Variants in FHIP1A observed in about 807,000 individuals in gnomAD.
The protein encoded by FHIP1A is FHF complex subunit HOOK-interacting protein 1A.
A neutral mutation model predicts 88.6 loss-of-function variants in FHIP1A; 61 were observed. The observed-to-expected ratio is 0.69, with a 90% CI of 0.56 to 0.85. The LOEUF is 0.85. FHIP1A is among the 40% of genes least tolerant of loss of function. FHIP1A has a pLI of 0.00. For missense variants in FHIP1A, 1,154 were observed against 1,273.5 expected (o/e 0.91, Z 1.43); for synonymous variants, 478 against 496.0 (o/e 0.96, Z 0.48).
At chr4:151,483,119 T>C (rs1729958036) in intron 3 of FHIP1A, among the ~76,000 whole-genome samples, 1 of 152,182 alleles carries the variant, frequency 6.6e-6, no homozygotes. Context: ...GTTAAAATAA[T>C]TGTTCAGGCT....
intron 4 of FHIP1A, among the ~76,000 whole-genome samples, chr4:151,570,654 C>T (rs1049944690): frequency 1.5e-4 from 23 of 152,306 alleles, no homozygotes; most frequent in African/African-American, 5.3e-4. Flanking sequence ...ACAGTATCTT[C>T]TTCACACTCA....
At position 151,629,781 on chromosome 4, in the gene FHIP1A, A is replaced by G; in HGVS notation, c.1058A>G (p.Glu353Gly). 6.4e-7 allele frequency: 1 copy of G among 1,551,436 alleles called. No individual in the cohort carries two copies. The highest frequency in any genetic ancestry group is 2.4e-5 in the East Asian group (1 of 40,916). ...AGCATCTCCGAGCCAGCACTACTTG[A>G]GATCTTCCTCCGTTTTATCCTATTG... ...LRSISEPALL[E>G]IFLRFILLHQ... Residue 353 changes from glutamate to glycine, a missense_variant, in exon 8 of 14, where the codon GAG becomes GGG. Transcript: ENST00000435205.
intron 3 of FHIP1A, among the ~76,000 whole-genome samples, chr4:151,504,138 T>C (rs1730744693): frequency 6.6e-6 from 1 of 152,222 alleles, no homozygotes; most frequent in African/African-American, 2.4e-5. Context: ...TTCTCCTCAA[T>C]TACCTTTTAA....
chr4:151,533,530 T>G (rs1580677716), intron 3 of FHIP1A, among the ~76,000 whole-genome samples: 2 of 152,368 alleles, frequency 1.3e-5, no homozygotes, highest in African/African-American at 4.8e-5. Flanking sequence ...TTTGAAAATT[T>G]GTAGAGTATG....
rs113095401 is a variant in FHIP1A, at chr4:151,504,658, G to T, written c.-123+22010G>T. On this transcript the variant is annotated intron_variant, in intron 3 of 13. Transcript: ENST00000435205. ...TTATTTTGAGACGGAGTCTTGTTCT[G>T]TCGCCCAGGCAGAAGTGCAGTGGTG... 3.4e-3 allele frequency among the ~76,000 whole-genome samples: 511 copies of T among 152,080 alleles called. 3 individuals are homozygous for T. The highest frequency in any genetic ancestry group is 0.012 in the African/African-American group (496 of 41,424).
intron 1 of FHIP1A, chr4:151,436,437 C>G (rs1728201119): frequency 6.6e-6 from 1 of 152,172 alleles, no homozygotes; most frequent in South Asian, 2.1e-4. Flanking sequence ...TTGGCTGCAG[C>G]AAAGCTTAGA....
chr4:151,666,877 A>C lies in FHIP1A; in HGVS notation c.*4123A>C, dbSNP rs2126941646. On this transcript the variant is annotated 3_prime_UTR_variant, in exon 14 of 14. Transcript: ENST00000435205. ...TTCACTTGACATAATAGTTTTGGTA[A>C]ACTGTCTTTATCTGGCTGCACCCCC... Among the ~76,000 whole-genome samples the C allele has an allele frequency of 6.6e-6, 1 of 152,278 alleles. No individual in the cohort carries two copies. The highest frequency in any genetic ancestry group is 6.5e-5 in the Admixed American group (1 of 15,302).
At chr4:151,477,134 G>C (rs1012927875) in intron 2 of FHIP1A, among the ~76,000 whole-genome samples, 1 of 152,080 alleles carries the variant, frequency 6.6e-6, no homozygotes, top group Non-Finnish European at 1.5e-5. Context: ...TGGTCATTTG[G>C]AAAAGTAAAC....
chr4:151,577,583 C>A lies in FHIP1A; in HGVS notation c.239C>A (p.Ala80Asp). The A allele has an allele frequency of 6.4e-7, 1 of 1,551,812 alleles. No homozygotes were observed. Among genetic ancestry groups the A allele is most frequent in the Non-Finnish European group, 8.7e-7 (1 of 1,147,010 alleles). Residue 80 changes from alanine to aspartate, a missense_variant, in exon 5 of 14, where the codon GCC becomes GAC. Physicochemically the swap from Ala to Asp is moderately radical, Grantham distance 126 (BLOSUM62 -2). Coordinates refer to ENST00000435205, the MANE Select transcript of FHIP1A (RefSeq NM_001109977.3). The part of the protein sequence containing the change: ...HMLFLLIEEQ[A>D]KDAAMGPILE... ...CTCTTCTTGTTGATTGAAGAGCAAG[C>A]CAAAGATGCTGCAATGGGGCCGATT...
intron 4 of FHIP1A, among the ~76,000 whole-genome samples, chr4:151,568,128 A>G (rs903127441): frequency 1.3e-5 from 2 of 152,296 alleles, no homozygotes; most frequent in East Asian, 3.9e-4. Context: ...ACATTGTGTC[A>G]CATTGTTGAA....
At chr4:151,446,246 G>A (rs1388464293) in intron 1 of FHIP1A, among the ~76,000 whole-genome samples, 1 of 152,066 alleles carries the variant, frequency 6.6e-6, no homozygotes, top group East Asian at 1.9e-4. Flanking sequence ...TGTGATTTAT[G>A]TGTACTAAAA....
chr4:151,526,634 C>T (rs1164877048), intron 3 of FHIP1A, among the ~76,000 whole-genome samples: 21 of 148,596 alleles, frequency 1.4e-4, no homozygotes, highest in African/African-American at 4.5e-4. Flanking sequence ...ACCTCCCTCC[C>T]GGACGGGGCG....
intron 9 of FHIP1A, among the ~76,000 whole-genome samples, chr4:151,640,831 C>T (rs974561790): frequency 2.6e-5 from 4 of 152,094 alleles, no homozygotes; most frequent in Non-Finnish European, 5.9e-5. Context: ...TTTTACTGCT[C>T]ATATAGTGGT....
intron 8 of FHIP1A, among the ~76,000 whole-genome samples, chr4:151,636,048 A>G (rs901075626): frequency 9.9e-5 from 15 of 151,968 alleles, no homozygotes; most frequent in African/African-American, 3.6e-4. Context: ...AACATCTACT[A>G]TGAATATGGG....
At chr4:151,558,933 A>G (rs1733062608) in intron 3 of FHIP1A, among the ~76,000 whole-genome samples, 1 of 152,244 alleles carries the variant, frequency 6.6e-6, no homozygotes, top group Admixed American at 6.5e-5. Context: ...AACCACTTAA[A>G]AAGTGCTTCT....
At chr4:151,606,983 G>A (rs1385708039) in intron 7 of FHIP1A, among the ~76,000 whole-genome samples, 1 of 152,182 alleles carries the variant, frequency 6.6e-6, no homozygotes, top group African/African-American at 2.4e-5. Flanking sequence ...GCAGGCGCTG[G>A]TTCCGGGACA....
rs1737524084 is a variant in FHIP1A at position 151,662,901 on chromosome 4, T to C, written c.*147T>C. 1 of 761,888 alleles carries C rather than the reference T, an allele frequency of 1.3e-6. No individual in the cohort carries two copies. Among genetic ancestry groups the C allele is most frequent in the Non-Finnish European group, 2.0e-6 (1 of 508,410 alleles). The allele number at this position is 761,888 out of a possible 1,614,324, so 47.2% of individuals were successfully genotyped here. ...TGTGGGGAGGGGAATTTTCTGTATC[T>C]TTCCTCTCTCTCTCTAGCCGGGCCT... On this transcript the variant is annotated 3_prime_UTR_variant, in exon 14 of 14. Coordinates refer to ENST00000435205, the MANE Select transcript of FHIP1A (RefSeq NM_001109977.3).
intron 1 of FHIP1A, among the ~76,000 whole-genome samples, chr4:151,447,025 C>A (rs1029906551): frequency 4.6e-5 from 7 of 152,102 alleles, no homozygotes; most frequent in Admixed American, 1.3e-4. Flanking sequence ...AGTAACCATT[C>A]TTTTTTCCAT....
intron 3 of FHIP1A, among the ~76,000 whole-genome samples, chr4:151,521,493 G>A (rs964866458): frequency 6.6e-5 from 10 of 151,998 alleles, no homozygotes; most frequent in Admixed American, 1.3e-4. Flanking sequence ...TCGTCTCTGC[G>A]GTCTAATCAG....
Sources: gnomAD v4.1 joint callset for allele counts (sites outside exome capture counted in the v4.1 genomes callset) on GRCh38, gnomAD v4.1.1 for gene constraint, MANE v1.5 for transcripts, NCBI Gene and HGNC (gene_info 2026-07-23, HGNC 2026-07-21) for gene names.